Variants in SLC61A1 observed in about 807,000 individuals in gnomAD.
SLC61A1 encodes solute carrier family 61 member 1.
chr12:53,253,234 G>T, the SLC61A1 span: 2 of 1,614,226 alleles, frequency 1.2e-6, no homozygotes, highest in African/African-American at 1.3e-5. Flanking sequence ...TGCTAGTGGG[G>T]CGAGCACTTG....
chr12:53,251,972 A>C, the SLC61A1 span: 1 of 1,500,046 alleles, frequency 6.7e-7, no homozygotes. Context: ...CAGGAGAAGC[A>C]ACCGCAGCCT....
chr12:53,252,841 G>A, the SLC61A1 span: 1 of 1,613,682 alleles, frequency 6.2e-7, no homozygotes, highest in East Asian at 2.2e-5. Context: ...CCACCATGCT[G>A]GTGACTGCCT....
the SLC61A1 span, chr12:53,254,165 G>T: frequency 1.2e-6 from 2 of 1,614,102 alleles, no homozygotes; most frequent in South Asian, 2.2e-5. Context: ...ACCTACTGAG[G>T]AGCCCTATGC....
chr12:53,254,086 G>A, the SLC61A1 span: 1 of 1,614,206 alleles, frequency 6.2e-7, no homozygotes, highest in Non-Finnish European at 8.5e-7. Context: ...CTGTCATGGT[G>A]ATGGCTCTGC....
At chr12:53,254,199 G>A in the SLC61A1 span, 2 of 1,610,364 alleles carry the variant, frequency 1.2e-6, no homozygotes, top group Non-Finnish European at 1.7e-6. Context: ...CCCCACTCCA[G>A]GACAAGATAG....
At chr12:53,253,252 G>C in the SLC61A1 span, 5 of 1,614,246 alleles carry the variant, frequency 3.1e-6, no homozygotes, top group East Asian at 2.2e-5. Context: ...TTGGTGGGCT[G>C]TCCACAGCCC....
the SLC61A1 span, chr12:53,252,462 G>C: frequency 7.7e-7 from 1 of 1,294,168 alleles, no homozygotes; most frequent in Non-Finnish European, 9.8e-7. Flanking sequence ...GGCAAAAAGA[G>C]GCTCCGCAGC....
chr12:53,252,665 TC>T, the SLC61A1 span, among the ~76,000 whole-genome samples: 1 of 152,020 alleles, frequency 6.6e-6, no homozygotes, highest in African/African-American at 2.4e-5. Context: ...GCGTGGCCAC[TC>T]CTCCCACCCA....
At chr12:53,253,968 T>A in the SLC61A1 span, 1 of 1,614,210 alleles carries the variant, frequency 6.2e-7, no homozygotes, top group Non-Finnish European at 8.5e-7. Context: ...GCTGGTGTAC[T>A]CAACTGGTTC....
the SLC61A1 span, chr12:53,253,874 T>C: frequency 6.2e-7 from 1 of 1,614,180 alleles, no homozygotes; most frequent in Non-Finnish European, 8.5e-7. Flanking sequence ...CTTCATAGCC[T>C]TTCTACTTAT....
At chr12:53,252,180 C>T in the SLC61A1 span, 4 of 1,420,864 alleles carry the variant, frequency 2.8e-6, no homozygotes, top group African/African-American at 1.5e-5. Flanking sequence ...TGCTGGAACC[C>T]GAGCCGGAGC....
the SLC61A1 span, chr12:53,253,217 T>C: frequency 6.2e-7 from 1 of 1,614,270 alleles, no homozygotes; most frequent in Non-Finnish European, 8.5e-7. Flanking sequence ...TCAAGACTAC[T>C]TTGTGCTGCT....
At chr12:53,251,912 C>A in the SLC61A1 span, 1 of 1,537,178 alleles carries the variant, frequency 6.5e-7, no homozygotes, top group Non-Finnish European at 8.7e-7. Context: ...CTCAGGCATC[C>A]AAGAGCCAGA....
At chr12:53,251,379 T>C in the SLC61A1 span, 2 of 228,682 alleles carry the variant, frequency 8.7e-6, no homozygotes, top group Admixed American at 1.0e-4. Flanking sequence ...TTACCCTTAG[T>C]GAGATGGGAA....
chr12:53,254,138 G>A, the SLC61A1 span: 2 of 1,614,190 alleles, frequency 1.2e-6, no homozygotes, highest in Non-Finnish European at 1.7e-6. Flanking sequence ...GCATGATGCT[G>A]AGCTGCGGGT....
At chr12:53,252,829 G>A in the SLC61A1 span, 3 of 1,613,308 alleles carry the variant, frequency 1.9e-6, no homozygotes, top group East Asian at 2.2e-5. Flanking sequence ...TCGTCCGGGG[G>A]CCCACCATGC....
At chr12:53,254,301 G>A in the SLC61A1 span, 1 of 1,343,636 alleles carries the variant, frequency 7.4e-7, no homozygotes. Context: ...TCCTGCCATT[G>A]CTTTGTGTTT....
At chr12:53,252,941 C>A in the SLC61A1 span, 1 of 1,614,184 alleles carries the variant, frequency 6.2e-7, no homozygotes, top group African/African-American at 1.3e-5. Flanking sequence ...CTGCAGCAAT[C>A]CCTCCTTCCT....
At chr12:53,253,700 A>T in the SLC61A1 span, 5 of 1,614,010 alleles carry the variant, frequency 3.1e-6, no homozygotes, top group Non-Finnish European at 4.2e-6. Flanking sequence ...CTCCAGCTTC[A>T]TGGCAGCCAG....
Sources: allele counts gnomAD v4.1 joint callset (sites outside exome capture counted in the v4.1 genomes callset), GRCh38; gene constraint gnomAD v4.1.1; transcripts MANE v1.5; gene names NCBI Gene and HGNC (gene_info 2026-07-23, HGNC 2026-07-21).